The following ATP1A1 variants were observed in gnomAD, a reference collection of about 807,000 sequenced individuals.
ATP1A1 encodes ATPase Na+/K+ transporting subunit alpha 1.
Under a neutral mutation model 114.8 loss-of-function variants are expected in ATP1A1, and 14 were observed. The ratio of observed to expected loss-of-function variants is 0.12; its 90% confidence interval spans 0.08 to 0.19. The LOEUF is 0.19. ATP1A1 is among the 10% of genes least tolerant of loss of function. ATP1A1 has a pLI of 1.00. For missense variants in ATP1A1, 524 were observed against 1,290.7 expected (o/e 0.41, Z 9.10); for synonymous variants, 471 against 466.3 (o/e 1.01, Z -0.13).
chr1:116,384,748 G>GT lies in ATP1A1; in HGVS notation c.124-32dup. ...TTCTGTCATTTTTTTATACTACACT[G>GT]TTTAACTATTTTCTTTGTTTCTGTT... On this transcript the variant is annotated intron_variant, in intron 2 of 22. Transcript: ENST00000295598. The surrounding 1 kb of genome is among the most constrained non-coding windows in gnomAD (Gnocchi z 5.1). The GT allele has an allele frequency of 1.3e-6, 2 of 1,559,180 alleles. No individual in the cohort carries two copies. Among genetic ancestry groups the GT allele is most frequent in the South Asian group, 2.3e-5 (2 of 86,314 alleles).
At chr1:116,386,642 A>G (rs901966385) in intron 3 of ATP1A1, among the ~76,000 whole-genome samples, 1 of 152,194 alleles carries the variant, frequency 6.6e-6, no homozygotes, top group Non-Finnish European at 1.5e-5. Flanking sequence ...CTGTCAGTGA[A>G]TCTTGGGTTT....
At chr1:116,373,895 C>G (rs1651169962) in intron 1 of ATP1A1, 1 of 1,298,204 alleles carries the variant, frequency 7.7e-7, no homozygotes, top group Admixed American at 3.9e-5. Context: ...GGGACTGAGC[C>G]GGCATCCCTG....
At chr1:116,373,838 A>C in intron 1 of ATP1A1, 2 of 1,140,046 alleles carry the variant, frequency 1.8e-6, no homozygotes, top group African/African-American at 2.0e-5. Context: ...GTGCTTGGGA[A>C]GCCTCGGGGC....
rs753827120 is a variant in ATP1A1 at position 116,403,930 on chromosome 1, G to A, written c.2998G>A (p.Val1000Ile). The change falls in exon 22 of 23, where the codon GTA becomes ATA. Residue 1000 changes from valine (V) to isoleucine (I), a missense_variant. By Grantham distance (29) the Val-to-Ile change is conservative. This residue lies in a region of ATP1A1 where 84 missense variants were observed against 209.3 expected (regional missense o/e 0.40). Coordinates refer to ENST00000295598, the MANE Select transcript of ATP1A1 (RefSeq NM_000701.8). ...CTTCCCCTACTCTCTTCTCATCTTC[G>A]TATATGACGAAGTCAGAAAACTCAT... ...CAFPYSLLIF[V>I]YDEVRKLIIR... 1.1e-5 allele frequency: 18 copies of A among 1,614,010 alleles called. No individual in the cohort carries two copies. In the Middle Eastern group the frequency reaches 6.6e-4, roughly 59 times the overall value.
chr1:116,398,528 CTG>C lies in ATP1A1; in HGVS notation c.2125-91_2125-90del. 1 of 1,457,462 alleles carries C rather than the reference CTG, an allele frequency of 6.9e-7. No individual in the cohort carries two copies. Among genetic ancestry groups the C allele is most frequent in the Non-Finnish European group, 9.4e-7 (1 of 1,069,428 alleles). The allele number at this position is 1,457,462 out of a possible 1,614,324, so 90.3% of individuals were successfully genotyped here. ...AGTCTCAATAGGAAAGGAGCAGTGT[CTG>C]TAATGAGTGCTCAGTGGGGGCATGC... On this transcript the variant is annotated intron_variant, in intron 15 of 22. Coordinates refer to ENST00000295598, the MANE Select transcript of ATP1A1 (RefSeq NM_000701.8). This position sits in a 1 kb window ranked among gnomAD's most constrained non-coding sequence, Gnocchi z 6.1.
At position 116,390,529 on chromosome 1, in the gene ATP1A1, C is replaced by CTTTT. The variant is rs1261190970; in HGVS notation, c.1222+121_1222+124dup. The CTTTT allele has an allele frequency of 4.6e-4, 423 of 911,046 alleles. No individual in the cohort carries two copies. The African/African-American group carries it at 8.5e-3, about 18-fold the overall frequency. 56.4% of individuals were successfully genotyped at this position (911,046 alleles called of 1,614,324 possible). A position where few individuals can be genotyped will look rare whatever the true frequency, so the allele number is the denominator to read the frequency against. ...TTAAGCTCATGGCAGCTTTTTCTTT[C>CTTTT]TTTTTTGTTTTTTTTTTTTTTATCA... On this transcript the variant is annotated intron_variant, in intron 9 of 22. Transcript: ENST00000295598.
At chr1:116,379,403 GTGCTGC>G (rs1317388568) in intron 1 of ATP1A1, among the ~76,000 whole-genome samples, 1 of 152,248 alleles carries the variant, frequency 6.6e-6, no homozygotes, top group Admixed American at 6.5e-5. Context: ...CTGCAGTGAT[GTGCTGC>G]TGCTGGGGCT....
chr1:116,396,484 C>G (rs575216216), intron 13 of ATP1A1, 114 bp from the exon 14 acceptor site: 1 of 1,322,690 alleles, frequency 7.6e-7, no homozygotes, highest in Non-Finnish European at 1.0e-6. Flanking sequence ...CATTCCTTTC[C>G]TTTTGATAGT....
At chr1:116,379,671 A>G (rs886367594) in intron 1 of ATP1A1, among the ~76,000 whole-genome samples, 1 of 152,252 alleles carries the variant, frequency 6.6e-6, no homozygotes, top group African/African-American at 2.4e-5. Context: ...ATTTTCATAG[A>G]AAGCGAAAAA....
At chr1:116,402,957 T>C (rs867908169) in intron 21 of ATP1A1, among the ~76,000 whole-genome samples, 11 of 152,208 alleles carry the variant, frequency 7.2e-5, no homozygotes, top group African/African-American at 2.7e-4. Context: ...ATCTCCAAAT[T>C]GAATTCTGTC....
chr1:116,393,834 C>T lies in ATP1A1; in HGVS notation c.1660+111C>T, dbSNP rs1161003031. The T allele has an allele frequency of 2.1e-5, 23 of 1,085,392 alleles. No individual in the cohort carries two copies. The Admixed American group carries it at 5.3e-4, about 25-fold the overall frequency. The allele number at this position is 1,085,392 out of a possible 1,614,324, so 67.2% of individuals were successfully genotyped here. A position where few individuals can be genotyped will look rare whatever the true frequency, so the allele number is the denominator to read the frequency against. On this transcript the variant is annotated intron_variant, in intron 12 of 22. Coordinates refer to ENST00000295598, the MANE Select transcript of ATP1A1 (RefSeq NM_000701.8). This position sits in a 1 kb window ranked among gnomAD's most constrained non-coding sequence, Gnocchi z 5.0. ...GAACCTCTATGTCTTGTTGACCTTCCTCTACATCTTTTAGGGGCAATCCTC... is the reference window on the plus strand; with the variant it reads ...GAACCTCTATGTCTTGTTGACCTTCTTCTACATCTTTTAGGGGCAATCCTC...
Position 116,398,779 on chromosome 1 carries a change from A to C in ATP1A1, c.2283A>C (p.Gly761=), listed in dbSNP as rs533239713. The change falls in exon 16 of 23, where the codon GGA becomes GGC. Residue 761 remains glycine (G), a synonymous_variant. Coordinates refer to ENST00000295598, the MANE Select transcript of ATP1A1 (RefSeq NM_000701.8). This position sits in a 1 kb window ranked among gnomAD's most constrained non-coding sequence, Gnocchi z 6.1. The part of the protein sequence containing the change: ...LDDNFASIVT[G]VEEGRLIFDN... The stretch of plus-strand genomic sequence containing the variant: ...ACAACTTTGCCTCAATTGTGACTGG[A>C]GTAGAGGAAGGTGAGAGCTATTTAA... 5 of 1,614,054 alleles carry C rather than the reference A, an allele frequency of 3.1e-6. No individual in the cohort carries two copies. In the African/African-American group the frequency reaches 6.7e-5, roughly 22 times the overall value.
Position 116,393,863 on chromosome 1 carries a change from T to C in ATP1A1, c.1660+140T>C. 1.2e-6 allele frequency: 1 copy of C among 818,836 alleles called. No individual in the cohort carries two copies. Among genetic ancestry groups the C allele is most frequent in the Non-Finnish European group, 1.9e-6 (1 of 539,032 alleles). The allele number at this position is 818,836 out of a possible 1,614,324, so 50.7% of individuals were successfully genotyped here. Reference sequence around the variant, plus strand: ...ACATCTTTTAGGGGCAATCCTCCTATTTGTTTATTTGCCCCCTATTATTTT... The same window carrying C: ...ACATCTTTTAGGGGCAATCCTCCTACTTGTTTATTTGCCCCCTATTATTTT... On this transcript the variant is annotated intron_variant, in intron 12 of 22. Transcript: ENST00000295598. The surrounding 1 kb of genome is among the most constrained non-coding windows in gnomAD (Gnocchi z 5.0).
chr1:116,379,223 G>A (rs1412146419), intron 1 of ATP1A1, among the ~76,000 whole-genome samples: 2 of 152,198 alleles, frequency 1.3e-5, no homozygotes, highest in African/African-American at 2.4e-5. Context: ...ACCCTTGCTG[G>A]CTGCTGGGCT....
rs903229122 is a variant in ATP1A1, at chr1:116,389,748, G to A, written c.1023+41G>A. ...TGGTCACCCTGACTCAGATCAGCTT[G>A]CACGAATGTTACACTCTTCCGCTAT... is the stretch of plus-strand genomic sequence containing the variant. On this transcript the variant is annotated intron_variant, in intron 8 of 22. Transcript: ENST00000295598. The surrounding 1 kb of genome is among the most constrained non-coding windows in gnomAD (Gnocchi z 6.9). 2 of 1,610,586 alleles carry A rather than the reference G, an allele frequency of 1.2e-6. No homozygotes were observed. Among genetic ancestry groups the A allele is most frequent in the Admixed American group, 1.7e-5 (1 of 59,888 alleles).
chr1:116,403,998 T>C (rs749878372), intron 22 of ATP1A1, 23 bp downstream of exon 22: 2 of 1,607,966 alleles, frequency 1.2e-6, no homozygotes, highest in Non-Finnish European at 1.7e-6. Context: ...ATTCTGACTT[T>C]GGTTGGAGGA....
intron 14 of ATP1A1, among the ~76,000 whole-genome samples, 166 bp downstream of exon 14, chr1:116,396,900 TA>T (rs1173007608): frequency 2.0e-5 from 3 of 152,264 alleles, no homozygotes; most frequent in Non-Finnish European, 4.4e-5. Context: ...GGGTTTTAAG[TA>T]AGAGCAAGTC....
rs1652137260 is a variant in ATP1A1, at chr1:116,386,895, A to G, written c.184-393A>G. Among the ~76,000 whole-genome samples, 6 of 152,334 alleles carry G rather than the reference A, an allele frequency of 3.9e-5. No homozygotes were observed. The South Asian group carries it at 1.2e-3, about 32-fold the overall frequency. Reference sequence around the variant, plus strand: ...TTTTTTTCCCCTCCCGACAAAATCAATACACAGAAAACCCAAAGCTCTTAA... The same window carrying G: ...TTTTTTTCCCCTCCCGACAAAATCAGTACACAGAAAACCCAAAGCTCTTAA... On this transcript the variant is annotated intron_variant, in intron 3 of 22. Transcript: ENST00000295598.
Position 116,398,164 on chromosome 1 carries a change from G to T in ATP1A1, c.2124+126G>T. The T allele has an allele frequency of 7.5e-7, 1 of 1,326,260 alleles. No homozygotes were observed. The highest frequency in any genetic ancestry group is 2.4e-5 in the East Asian group (1 of 41,176). 82.2% of individuals were successfully genotyped at this position (1,326,260 alleles called of 1,614,324 possible). On this transcript the variant is annotated intron_variant, in intron 15 of 22. Coordinates refer to ENST00000295598, the MANE Select transcript of ATP1A1 (RefSeq NM_000701.8). The surrounding 1 kb of genome is among the most constrained non-coding windows in gnomAD (Gnocchi z 6.1). Reference sequence around the variant, plus strand: ...GCTGTATTAGACTCAGTATAAATAGGCCAGTAGGAAGCTCATAGGCATAGA... The same window carrying T: ...GCTGTATTAGACTCAGTATAAATAGTCCAGTAGGAAGCTCATAGGCATAGA...
Sources: allele counts gnomAD v4.1 joint callset (sites outside exome capture counted in the v4.1 genomes callset), GRCh38; gene constraint gnomAD v4.1.1; regional missense constraint gnomAD v4.1.1; non-coding constraint Gnocchi (gnomAD v3.1); transcripts MANE v1.5; gene names NCBI Gene and HGNC (gene_info 2026-07-23, HGNC 2026-07-21).